FOXP1: variants seen among roughly 807,000 people sequenced by gnomAD.
FOXP1 encodes the protein forkhead box P1, also known as forkhead box protein P1.
A neutral mutation model predicts 98.2 loss-of-function variants in FOXP1; 15 were observed. That is an observed-to-expected ratio of 0.15 (90% confidence interval 0.10 to 0.24). The LOEUF is 0.24. FOXP1 is among the 10% of genes least tolerant of loss of function. FOXP1 has a pLI of 1.00. For synonymous variants in FOXP1, 371 were observed against 314.5 expected (o/e 1.18, Z -1.90); for missense variants, 633 against 848.5 (o/e 0.75, Z 3.15).
At chr3:71,151,660 A>AT (rs71104420) in intron 6 of FOXP1, among the ~76,000 whole-genome samples, 41,679 of 140,036 alleles carry the variant, frequency 0.3, 6,831 homozygotes, top group Middle Eastern at 0.39. Context: ...TGTCTAAAAC[A>AT]TTTTTTTTTT....
intron 2 of FOXP1, among the ~76,000 whole-genome samples, chr3:71,546,916 AAAG>A (rs1379256880): frequency 3.3e-5 from 5 of 152,182 alleles, no homozygotes; most frequent in African/African-American, 1.2e-4. Context: ...GAGCTTGAGA[AAAG>A]AAGGAAATTG....
At chr3:71,106,679 C>T (rs537187793) in intron 7 of FOXP1, among the ~76,000 whole-genome samples, 1 of 151,812 alleles carries the variant, frequency 6.6e-6, no homozygotes, top group South Asian at 2.1e-4. Flanking sequence ...AGACTGGCCT[C>T]AAACTCCTGA....
intron 17 of FOXP1, among the ~76,000 whole-genome samples, chr3:70,975,684 CT>C (rs1333497666): frequency 1.3e-5 from 2 of 152,106 alleles, no homozygotes; most frequent in African/African-American, 4.8e-5. Context: ...TCACATGTCT[CT>C]AAATGTTTTG....
At chr3:71,493,281 C>T (rs1323895876) in intron 3 of FOXP1, 145 bp downstream of exon 3, 1 of 152,196 alleles carries the variant, frequency 6.6e-6, no homozygotes, top group Non-Finnish European at 1.5e-5. Flanking sequence ...CAGGAATTAT[C>T]TGAAAAGATT....
intron 4 of FOXP1, among the ~76,000 whole-genome samples, chr3:71,325,145 C>G (rs570424604): frequency 6.6e-6 from 1 of 151,880 alleles, no homozygotes; most frequent in Non-Finnish European, 1.5e-5. Flanking sequence ...CTCCACCTCC[C>G]GGGTTCAAGA....
At position 71,047,083 on chromosome 3, in the gene FOXP1, C is replaced by A; in HGVS notation, c.523G>T (p.Ala175Ser). The A allele has an allele frequency of 1.2e-6, 2 of 1,614,010 alleles. No homozygotes were observed. Among genetic ancestry groups the A allele is most frequent in the Non-Finnish European group, 1.7e-6 (2 of 1,179,950 alleles). ...TGCTGAAAAGCCAACTGCTGGGTAG[C>A]CACCTGCTGTTGCTGTAAGAAATCA... The part of the protein sequence containing the change: ...GKQPKEQQQV[A>S]TQQLAFQQQL... The change falls in exon 10 of 21, where the codon GCT becomes TCT. Residue 175 changes from alanine (A) to serine (S), a missense_variant. By Grantham distance (99) the Ala-to-Ser change is moderately conservative (BLOSUM62 1). This residue lies in a region of FOXP1 where 210 missense variants were observed against 270.6 expected (regional missense o/e 0.78). Coordinates refer to ENST00000649528, the MANE Select transcript of FOXP1 (RefSeq NM_001349338.3).
intron 4 of FOXP1, among the ~76,000 whole-genome samples, chr3:71,346,585 C>G (rs1364626461): frequency 6.6e-6 from 1 of 152,126 alleles, no homozygotes; most frequent in Non-Finnish European, 1.5e-5. Flanking sequence ...AGCACCTAAT[C>G]GAGAAAGTTT....
At chr3:71,161,819 C>A (rs967867874) in intron 6 of FOXP1, among the ~76,000 whole-genome samples, 14 of 150,950 alleles carry the variant, frequency 9.3e-5, no homozygotes, top group Non-Finnish European at 1.9e-4. Flanking sequence ...CATCACTTAA[C>A]AACACATTCA....
chr3:71,364,345 G>C (rs2078768559), intron 3 of FOXP1, among the ~76,000 whole-genome samples: 1 of 152,154 alleles, frequency 6.6e-6, no homozygotes, highest in Admixed American at 6.5e-5. Context: ...GGAACCAACA[G>C]CTAATGTATG....
chr3:70,960,841 ATT>A (rs549719513), intron 20 of FOXP1, among the ~76,000 whole-genome samples: 104 of 137,216 alleles, frequency 7.6e-4, no homozygotes, highest in African/African-American at 2.5e-3. Flanking sequence ...TAAAAAAATA[ATT>A]TTTTTTTTTT....
rs1254057421 is a variant in FOXP1, at chr3:71,504,179, G to GA, written c.-297-10625dup. ...ATGTCATAATTTTATGCCTCAAATCGAAAAAAACACTTTGGGGGATAACCG... is the reference window on the plus strand; with the variant it reads ...ATGTCATAATTTTATGCCTCAAATCGAAAAAAAACACTTTGGGGGATAACCG... On this transcript the variant is annotated intron_variant, in intron 2 of 20. Transcript: ENST00000649528. Among the ~76,000 whole-genome samples, 4 of 151,694 alleles carry GA rather than the reference G, an allele frequency of 2.6e-5. No individual in the cohort carries two copies. In the South Asian group the frequency reaches 6.2e-4, roughly 24 times the overall value.
intron 5 of FOXP1, among the ~76,000 whole-genome samples, chr3:71,272,158 T>C (rs2070426790): frequency 6.6e-6 from 1 of 152,204 alleles, no homozygotes; most frequent in Admixed American, 6.5e-5. Flanking sequence ...AACAAGGCAG[T>C]ATTATATCTG....
At chr3:71,196,287 A>G (rs756199097) in intron 6 of FOXP1, among the ~76,000 whole-genome samples, 3 of 152,240 alleles carry the variant, frequency 2.0e-5, no homozygotes, top group Non-Finnish European at 4.4e-5. Flanking sequence ...ATATGTTTGC[A>G]ACTGATACTT....
At chr3:71,548,956 C>T (rs949311638) in intron 2 of FOXP1, among the ~76,000 whole-genome samples, 6 of 152,064 alleles carry the variant, frequency 3.9e-5, no homozygotes, top group Non-Finnish European at 5.9e-5. Flanking sequence ...GGAACTAAGG[C>T]GGTGTGTTTA....
At chr3:71,090,865 G>A (rs1052350515) in intron 7 of FOXP1, among the ~76,000 whole-genome samples, 6 of 152,074 alleles carry the variant, frequency 3.9e-5, no homozygotes, top group Admixed American at 3.9e-4. Flanking sequence ...CATAGGTATG[G>A]CCATTCTAAA....
intron 6 of FOXP1, among the ~76,000 whole-genome samples, chr3:71,170,229 T>C (rs1263371265): frequency 6.6e-6 from 1 of 152,220 alleles, no homozygotes; most frequent in African/African-American, 2.4e-5. Context: ...AAATCTTATA[T>C]TGCTATTTAA....
chr3:71,285,183 G>A (rs896596168), intron 5 of FOXP1, among the ~76,000 whole-genome samples: 4 of 152,100 alleles, frequency 2.6e-5, no homozygotes, highest in Admixed American at 6.5e-5. Flanking sequence ...GAATCAATTA[G>A]CTTATGCCTC....
chr3:71,455,461 T>C (rs977859789), intron 3 of FOXP1, among the ~76,000 whole-genome samples: 23 of 152,292 alleles, frequency 1.5e-4, no homozygotes, highest in South Asian at 6.2e-4. Flanking sequence ...TAAAGAAAAC[T>C]TGGAAACTAG....
At chr3:71,234,645 AG>A (rs1457260619) in intron 5 of FOXP1, among the ~76,000 whole-genome samples, 1 of 152,192 alleles carries the variant, frequency 6.6e-6, no homozygotes, top group East Asian at 1.9e-4. Flanking sequence ...AGTGCAGATG[AG>A]TCTAAGGCAT....
Sources: allele counts gnomAD v4.1 joint callset (sites outside exome capture counted in the v4.1 genomes callset), GRCh38; gene constraint gnomAD v4.1.1; regional missense constraint gnomAD v4.1.1; transcripts MANE v1.5; gene names NCBI Gene and HGNC (gene_info 2026-07-23, HGNC 2026-07-21).